Variants in TSHZ2 observed in about 807,000 individuals in gnomAD.
TSHZ2 encodes teashirt homolog 2.
Under a neutral mutation model 74.4 loss-of-function variants are expected in TSHZ2, and 21 were observed. That is an observed-to-expected ratio of 0.28 (90% CI 0.20 to 0.41). The LOEUF (loss-of-function observed/expected upper bound fraction) is 0.41, where lower values mean the gene tolerates loss of function less well. Among genes scored for constraint, TSHZ2 ranks in the 10% least tolerant of loss-of-function variants. The probability of loss-of-function intolerance (pLI) is 1.00; values close to 1 mark genes in which losing one functional copy is unlikely to be tolerated. For missense variants in TSHZ2, 1,244 were observed against 1,293.5 expected, an observed-to-expected ratio of 0.96 and a Z score of 0.59; for synonymous variants, 540 against 515.3, an observed-to-expected ratio of 1.05 and a Z score of -0.65.
intron 2 of TSHZ2, among the ~76,000 whole-genome samples, chr20:53,330,769 C>T (rs1323265590): frequency 6.6e-6 from 1 of 152,218 alleles, no homozygotes; most frequent in Non-Finnish European, 1.5e-5. Flanking sequence ...CAGAAAGTCT[C>T]AGCCCCTCCA....
chr20:53,117,990 A>G (rs970196602), intron 1 of TSHZ2, among the ~76,000 whole-genome samples: 1 of 152,230 alleles, frequency 6.6e-6, no homozygotes, highest in Non-Finnish European at 1.5e-5. Flanking sequence ...GTTGGGCCAC[A>G]TGGAGAAGTG....
chr20:53,007,665 A>T (rs1982693013), intron 1 of TSHZ2, among the ~76,000 whole-genome samples: 1 of 150,442 alleles, frequency 6.6e-6, no homozygotes, highest in Non-Finnish European at 1.5e-5. Flanking sequence ...ATGTATACTC[A>T]TGCGTGTATG....
chr20:53,027,262 A>G (rs1471037618), intron 1 of TSHZ2, among the ~76,000 whole-genome samples: 3 of 152,248 alleles, frequency 2.0e-5, no homozygotes, highest in East Asian at 3.8e-4. Flanking sequence ...ATATGTATTT[A>G]TACATGCATA....
intron 1 of TSHZ2, among the ~76,000 whole-genome samples, chr20:52,990,621 G>T (rs1465666570): frequency 6.6e-6 from 1 of 152,136 alleles, no homozygotes; most frequent in Non-Finnish European, 1.5e-5. Flanking sequence ...GATGGGGTCG[G>T]GTCAGGGAAG....
chr20:53,101,412 GAAAACC>G (rs1370513270), intron 1 of TSHZ2, among the ~76,000 whole-genome samples: 2 of 152,130 alleles, frequency 1.3e-5, no homozygotes, highest in Non-Finnish European at 2.9e-5. Context: ...AAATCTCAGG[GAAAACC>G]AATCATTGTA....
chr20:53,433,588 C>CACACACACAT (rs1983926850), intron 2 of TSHZ2, among the ~76,000 whole-genome samples: 1 of 128,258 alleles, frequency 7.8e-6, no homozygotes, highest in African/African-American at 2.6e-5. Flanking sequence ...CACACAGACA[C>CACACACACAT]ACACACACAC....
chr20:53,111,829 G>A (rs924241450), intron 1 of TSHZ2, among the ~76,000 whole-genome samples: 4 of 152,116 alleles, frequency 2.6e-5, no homozygotes, highest in African/African-American at 9.7e-5. Flanking sequence ...ACTCAGGGTT[G>A]TGGGATGACC....
At chr20:53,423,871 A>C (rs1259899460) in intron 2 of TSHZ2, among the ~76,000 whole-genome samples, 1 of 152,208 alleles carries the variant, frequency 6.6e-6, no homozygotes. Context: ...GATATTTGCA[A>C]GGTCTGGAGA....
At chr20:53,372,669 T>C (rs1234759830) in intron 2 of TSHZ2, among the ~76,000 whole-genome samples, 2 of 152,176 alleles carry the variant, frequency 1.3e-5, no homozygotes, top group South Asian at 2.1e-4. Context: ...ATTCAGCCAT[T>C]TTCTTAAGGA....
chr20:53,227,078 C>T (rs946907433), intron 1 of TSHZ2, among the ~76,000 whole-genome samples: 7 of 151,330 alleles, frequency 4.6e-5, no homozygotes, highest in East Asian at 1.9e-4. Context: ...GATCTCACAC[C>T]GGCTTATTGA....
chr20:53,471,597 GA>G (rs1439053353), intron 2 of TSHZ2, among the ~76,000 whole-genome samples: 3 of 152,142 alleles, frequency 2.0e-5, no homozygotes, highest in Non-Finnish European at 2.9e-5. Flanking sequence ...CTTCAAGGAT[GA>G]AAAGGTGCTG....
chr20:53,246,235 T>C lies in TSHZ2; in HGVS notation c.41-7264T>C, dbSNP rs149879595. Among the ~76,000 whole-genome samples the C allele has an allele frequency of 4.2e-4, 63 of 151,726 alleles. No individual in the cohort carries two copies. The East Asian group carries it at 0.012, about 29-fold the overall frequency. ...TTTTTGTATTTTTAGTAGAGATGGG[T>C]TTTCACCATGTTGGCCAGGCTGGTC... On this transcript the variant is annotated intron_variant, in intron 1 of 2. Transcript: ENST00000371497.
chr20:53,315,926 G>A (rs1214607926), intron 2 of TSHZ2, among the ~76,000 whole-genome samples: 1 of 152,116 alleles, frequency 6.6e-6, no homozygotes, highest in African/African-American at 2.4e-5. Context: ...GTGGGTGGGT[G>A]TTCCATAGGT....
intron 2 of TSHZ2, among the ~76,000 whole-genome samples, chr20:53,427,317 C>T (rs963247735): frequency 1.3e-5 from 2 of 152,160 alleles, no homozygotes; most frequent in African/African-American, 4.8e-5. Context: ...CCCTTGATTA[C>T]GGATTGGCGG....
At chr20:53,425,657 T>C (rs181841538) in intron 2 of TSHZ2, among the ~76,000 whole-genome samples, 10 of 152,314 alleles carry the variant, frequency 6.6e-5, no homozygotes, top group Admixed American at 6.5e-4. Context: ...GCAACCTCCA[T>C]TGCAACTATT....
chr20:53,272,327 CTG>C (rs1568846238), intron 2 of TSHZ2, among the ~76,000 whole-genome samples: 1 of 152,102 alleles, frequency 6.6e-6, no homozygotes, highest in Non-Finnish European at 1.5e-5. Flanking sequence ...GGACTTTTAA[CTG>C]AGCCTCCAGT....
chr20:53,354,667 G>A (rs755195175), intron 2 of TSHZ2, among the ~76,000 whole-genome samples: 38 of 152,334 alleles, frequency 2.5e-4, no homozygotes, highest in Non-Finnish European at 1.3e-4. Flanking sequence ...CTCTGGAAAG[G>A]TGTCATTAAC....
chr20:53,304,141 AACTCGTC>A (rs1568860127), intron 2 of TSHZ2, among the ~76,000 whole-genome samples: 1 of 149,838 alleles, frequency 6.7e-6, no homozygotes, highest in Non-Finnish European at 1.5e-5. Context: ...TGCACCCATT[AACTCGTC>A]ACTTAGCATT....
chr20:53,161,063 A>G (rs1346436381), intron 1 of TSHZ2, among the ~76,000 whole-genome samples: 5 of 141,556 alleles, frequency 3.5e-5, no homozygotes, highest in African/African-American at 1.3e-4. Context: ...TTTCGAGAAC[A>G]TTGCTACTTG....
Sources: gnomAD v4.1 joint callset for allele counts (sites outside exome capture counted in the v4.1 genomes callset) on GRCh38, gnomAD v4.1.1 for gene constraint, MANE v1.5 for transcripts, NCBI Gene and HGNC (gene_info 2026-07-23, HGNC 2026-07-21) for gene names.